The following ME3 variants were observed in gnomAD, a reference collection of about 807,000 sequenced individuals.
ME3 encodes the protein malic enzyme 3.
Under a neutral mutation model 68.9 loss-of-function variants are expected in ME3, and 48 were observed. The observed-to-expected ratio is 0.70, with a 90% CI of 0.55 to 0.89. ME3 has a LOEUF of 0.89. ME3 is among the 40% of genes least tolerant of loss of function. The pLI is 0.00. For missense variants in ME3, 675 were observed against 797.4 expected, an observed-to-expected ratio of 0.85 and a Z score of 1.85; for synonymous variants, 320 against 318.8, an observed-to-expected ratio of 1.00 and a Z score of -0.04.
At chr11:86,564,393 C>G (rs1328070008) in intron 2 of ME3, among the ~76,000 whole-genome samples, 1 of 148,434 alleles carries the variant, frequency 6.7e-6, no homozygotes, top group Non-Finnish European at 1.5e-5. Context: ...CATGGACTAG[C>G]AAGGGACCCC....
At chr11:86,470,854 A>G (rs538565142) in intron 7 of ME3, among the ~76,000 whole-genome samples, 30 of 152,218 alleles carry the variant, frequency 2.0e-4, no homozygotes, top group African/African-American at 7.0e-4. Flanking sequence ...TCTTCCACAT[A>G]TTTCTAAACA....
At chr11:86,471,607 C>T (rs756509545) in intron 7 of ME3, among the ~76,000 whole-genome samples, 5 of 152,066 alleles carry the variant, frequency 3.3e-5, no homozygotes, top group East Asian at 3.9e-4. Context: ...GAAATGTATT[C>T]GGCAAGTTAT....
intron 4 of ME3, among the ~76,000 whole-genome samples, chr11:86,554,726 C>T (rs941939903): frequency 3.9e-5 from 6 of 152,112 alleles, no homozygotes; most frequent in Non-Finnish European, 5.9e-5. Context: ...GATTAAAATT[C>T]GGGGCTGATT....
chr11:86,518,053 T>C (rs577188669), intron 4 of ME3, among the ~76,000 whole-genome samples: 111 of 152,326 alleles, frequency 7.3e-4, no homozygotes, highest in Non-Finnish European at 1.3e-3. Context: ...TGGTTACTTA[T>C]GGTAGAGAGT....
intron 4 of ME3, among the ~76,000 whole-genome samples, chr11:86,527,734 G>T (rs887508051): frequency 9.2e-5 from 14 of 152,188 alleles, no homozygotes; most frequent in African/African-American, 3.4e-4. Context: ...TTTCAAGCCA[G>T]AATTTCATAT....
Position 86,464,656 on chromosome 11 carries a change from C to T in ME3, c.919+435G>A, listed in dbSNP as rs142085943. Among the ~76,000 whole-genome samples, 8 of 152,258 alleles carry T rather than the reference C, an allele frequency of 5.3e-5. No homozygotes were observed. In the East Asian group the frequency reaches 9.7e-4, roughly 18 times the overall value. On this transcript the variant is annotated intron_variant, in intron 8 of 14. Transcript: ENST00000543262. ...GCCATTTTTATGGTGATTGGTGCTT[C>T]GGTCTGATGAGTTTTATGGGTTAGT...
At chr11:86,618,760 C>T (rs186830446) in intron 2 of ME3, among the ~76,000 whole-genome samples, 1 of 151,768 alleles carries the variant, frequency 6.6e-6, no homozygotes, top group Non-Finnish European at 1.5e-5. Flanking sequence ...CTCTGTCACC[C>T]AGGCTGGAGT....
chr11:86,521,679 T>A (rs1954323649), intron 4 of ME3, among the ~76,000 whole-genome samples: 1 of 152,156 alleles, frequency 6.6e-6, no homozygotes, highest in Admixed American at 6.5e-5. Flanking sequence ...TTTCCCTGTG[T>A]CTTGACACAA....
intron 2 of ME3, among the ~76,000 whole-genome samples, chr11:86,620,938 G>A (rs781330426): frequency 5.2e-4 from 79 of 152,184 alleles, no homozygotes; most frequent in Non-Finnish European, 1.3e-4. Flanking sequence ...TTTCCCAGCA[G>A]AGCATGAGGT....
chr11:86,483,777 T>C (rs679076), intron 7 of ME3, among the ~76,000 whole-genome samples: 140,214 of 152,296 alleles, frequency 0.92, 64,664 homozygotes, highest in Non-Finnish European at 0.95. Flanking sequence ...TGACATCAAG[T>C]TTCTGTCCAG....
At chr11:86,624,046 A>C (rs913095592) in intron 2 of ME3, among the ~76,000 whole-genome samples, 2 of 152,156 alleles carry the variant, frequency 1.3e-5, no homozygotes. Context: ...TCTTTCTCTT[A>C]TAGTTTATTT....
chr11:86,585,401 A>T (rs555053247), intron 2 of ME3, among the ~76,000 whole-genome samples: 26 of 152,262 alleles, frequency 1.7e-4, no homozygotes, highest in Non-Finnish European at 3.4e-4. Flanking sequence ...TAAGAGATAC[A>T]TGGGGGAGAA....
chr11:86,630,029 A>G (rs1458501407), intron 2 of ME3, among the ~76,000 whole-genome samples: 1 of 152,142 alleles, frequency 6.6e-6, no homozygotes, highest in East Asian at 1.9e-4. Flanking sequence ...GAGGAACTTC[A>G]GAGGTTCTGC....
chr11:86,465,630 G>A (rs1950440197), intron 7 of ME3, among the ~76,000 whole-genome samples: 1 of 152,090 alleles, frequency 6.6e-6, no homozygotes, highest in African/African-American at 2.4e-5. Flanking sequence ...CAAGTAGGTG[G>A]GGAGCCCCTG....
intron 2 of ME3, among the ~76,000 whole-genome samples, chr11:86,587,068 G>A (rs1052142599): frequency 6.6e-6 from 1 of 152,192 alleles, no homozygotes; most frequent in Admixed American, 6.5e-5. Flanking sequence ...TAATGCTTAG[G>A]GTTACAAAGG....
At chr11:86,608,464 G>A (rs1400069918) in intron 2 of ME3, among the ~76,000 whole-genome samples, 4 of 152,176 alleles carry the variant, frequency 2.6e-5, no homozygotes, top group African/African-American at 9.7e-5. Flanking sequence ...TTTCTCTGAG[G>A]ATGCACTCTC....
chr11:86,513,312 G>T (rs556064671), intron 4 of ME3, among the ~76,000 whole-genome samples: 1 of 152,244 alleles, frequency 6.6e-6, no homozygotes, highest in Non-Finnish European at 1.5e-5. Context: ...CTTTTGAAAT[G>T]TGTTAAGAGC....
At chr11:86,672,095 G>T in intron 1 of ME3, 137 bp from the exon 2 acceptor site, 4 of 720,872 alleles carry the variant, frequency 5.5e-6, no homozygotes, top group Non-Finnish European at 7.9e-6. Context: ...AAATGTTCCA[G>T]CCCCCGCCAC....
chr11:86,639,662 C>G (rs546715521), intron 2 of ME3, among the ~76,000 whole-genome samples: 1 of 152,280 alleles, frequency 6.6e-6, no homozygotes, highest in African/African-American at 2.4e-5. Context: ...TTGTGTTGAT[C>G]TTGATGATAT....
Sources: allele counts gnomAD v4.1 joint callset (sites outside exome capture counted in the v4.1 genomes callset), GRCh38; gene constraint gnomAD v4.1.1; transcripts MANE v1.5; gene names NCBI Gene and HGNC (gene_info 2026-07-23, HGNC 2026-07-21).